SLC44A5: variants seen among roughly 807,000 people sequenced by gnomAD.
SLC44A5 encodes choline transporter-like protein 5.
Under a neutral mutation model 101.8 loss-of-function variants are expected in SLC44A5, and 57 were observed. The ratio of observed to expected loss-of-function variants is 0.56; its 90% CI spans 0.45 to 0.70. The LOEUF (loss-of-function observed/expected upper bound fraction) is 0.70. SLC44A5 is among the 30% of genes least tolerant of loss of function. SLC44A5 has a pLI of 0.00. For missense variants in SLC44A5, 737 were observed against 853.1 expected (o/e 0.86, Z 1.70); for synonymous variants, 281 against 290.9 (o/e 0.97, Z 0.35).
chr1:75,505,136 G>A (rs942120343), intron 2 of SLC44A5, among the ~76,000 whole-genome samples: 11 of 152,114 alleles, frequency 7.2e-5, no homozygotes, highest in African/African-American at 2.7e-4. Flanking sequence ...TGATGACCTA[G>A]AGCTGCACCC....
chr1:75,486,665 A>G (rs746070307), intron 2 of SLC44A5, among the ~76,000 whole-genome samples: 1 of 152,238 alleles, frequency 6.6e-6, no homozygotes, highest in Non-Finnish European at 1.5e-5. Flanking sequence ...CAAAACAAAG[A>G]GGCCACAGGC....
intron 5 of SLC44A5, among the ~76,000 whole-genome samples, chr1:75,280,796 A>G (rs1466905931): frequency 6.6e-6 from 1 of 151,894 alleles, no homozygotes; most frequent in Non-Finnish European, 1.5e-5. Context: ...CATGTGAAGA[A>G]AGATGTGTTT....
chr1:75,219,332 T>A lies in SLC44A5; in HGVS notation c.1191A>T (p.Thr397=). ...YWVVTAVFLA[T]SGVPVYKVIA... Reference sequence around the variant, plus strand: ...TGACTTTGTATACAGGTACCCCCGATGTCGCCAAGAAACTGAATAAACTCC... The same window carrying A: ...TGACTTTGTATACAGGTACCCCCGAAGTCGCCAAGAAACTGAATAAACTCC... Residue 397 remains threonine (T), a synonymous_variant, in exon 16 of 24, where the codon ACA becomes ACT. Coordinates refer to ENST00000370859, the MANE Select transcript of SLC44A5 (RefSeq NM_001130058.2). 6.2e-7 allele frequency: 1 copy of A among 1,611,956 alleles called. No homozygotes were observed.
At chr1:75,552,168 T>C (rs1671970706) in intron 1 of SLC44A5, among the ~76,000 whole-genome samples, 1 of 152,124 alleles carries the variant, frequency 6.6e-6, no homozygotes, top group Non-Finnish European at 1.5e-5. Flanking sequence ...CCACTTAACC[T>C]TTCTACATGT....
chr1:75,540,298 C>A (rs1671289063), intron 2 of SLC44A5, among the ~76,000 whole-genome samples: 2 of 152,180 alleles, frequency 1.3e-5, no homozygotes. Context: ...CTAAAACAAT[C>A]TGCTATAGGC....
the SLC44A5 span, among the ~76,000 whole-genome samples, chr1:75,699,850 G>A: frequency 6.6e-6 from 1 of 152,052 alleles, no homozygotes; most frequent in Non-Finnish European, 1.5e-5. Flanking sequence ...GGCAGGGGTT[G>A]CAATCCTAGT....
At chr1:75,547,691 C>T (rs1439400666) in intron 1 of SLC44A5, among the ~76,000 whole-genome samples, 1 of 152,104 alleles carries the variant, frequency 6.6e-6, no homozygotes, top group Non-Finnish European at 1.5e-5. Context: ...CAAAAACAAA[C>T]AAACAAACAA....
the SLC44A5 span, among the ~76,000 whole-genome samples, chr1:75,621,129 G>T: frequency 6.6e-6 from 1 of 152,106 alleles, no homozygotes; most frequent in Non-Finnish European, 1.5e-5. Context: ...AGTCACATGT[G>T]GTTCTTCTGG....
rs1646676245 is a variant in SLC44A5 at position 75,202,145 on chromosome 1, T to C, written c.*1582A>G. Reference sequence around the variant, plus strand: ...GACAGGCAGTTATTTCTTATTTAAATCTTTATTAAAAGAAAAAAGATTTAA... The same window carrying C: ...GACAGGCAGTTATTTCTTATTTAAACCTTTATTAAAAGAAAAAAGATTTAA... On this transcript the variant is annotated 3_prime_UTR_variant, in exon 24 of 24. Transcript: ENST00000370859. The C allele has an allele frequency of 6.6e-6, 1 of 152,152 alleles. No individual in the cohort carries two copies. Among genetic ancestry groups the C allele is most frequent in the Admixed American group, 6.5e-5 (1 of 15,282 alleles). The allele number at this position is 152,152 out of a possible 1,614,324, so 9.4% of individuals were successfully genotyped here. A position where few individuals can be genotyped will look rare whatever the true frequency, so the allele number is the denominator to read the frequency against.
chr1:75,535,278 C>T (rs894145966), intron 2 of SLC44A5, among the ~76,000 whole-genome samples: 2 of 152,042 alleles, frequency 1.3e-5, no homozygotes, highest in South Asian at 2.1e-4. Flanking sequence ...GAGCCTGATA[C>T]ATATTTGAAG....
At chr1:75,309,284 A>C (rs1360547850) in intron 4 of SLC44A5, among the ~76,000 whole-genome samples, 1 of 152,118 alleles carries the variant, frequency 6.6e-6, no homozygotes, top group East Asian at 1.9e-4. Context: ...TCTCCATAAA[A>C]CATTTTAAAA....
the SLC44A5 span, among the ~76,000 whole-genome samples, chr1:75,639,818 TCTGATATCTC>T: frequency 6.6e-6 from 1 of 152,066 alleles, no homozygotes; most frequent in East Asian, 1.9e-4. Context: ...TCATAGAAAT[TCTGATATCTC>T]CTGATATCTC....
At chr1:75,218,153 T>G (rs1647001034) in intron 17 of SLC44A5, among the ~76,000 whole-genome samples, 193 bp from the exon 18 acceptor site, 2 of 152,126 alleles carry the variant, frequency 1.3e-5, no homozygotes, top group Non-Finnish European at 2.9e-5. Context: ...TTACCCTTTA[T>G]CAGCATAAAT....
At chr1:75,303,469 C>T (rs1287776402) in intron 4 of SLC44A5, among the ~76,000 whole-genome samples, 6 of 152,188 alleles carry the variant, frequency 3.9e-5, no homozygotes, top group East Asian at 3.9e-4. Context: ...CTCCTGACCT[C>T]GTGATCCACC....
At chr1:75,472,076 C>A (rs1238878750) in intron 2 of SLC44A5, among the ~76,000 whole-genome samples, 1 of 96,244 alleles carries the variant, frequency 1.0e-5, no homozygotes, top group African/African-American at 3.3e-5. Flanking sequence ...GCATATCCCC[C>A]TGGGTTTAAA....
At chr1:75,322,698 C>T (rs1457326887) in intron 4 of SLC44A5, among the ~76,000 whole-genome samples, 1 of 152,146 alleles carries the variant, frequency 6.6e-6, no homozygotes, top group Non-Finnish European at 1.5e-5. Context: ...TCTCAGCTTG[C>T]TTCCTCACTC....
intron 2 of SLC44A5, among the ~76,000 whole-genome samples, chr1:75,467,836 T>C (rs1412211009): frequency 6.6e-6 from 1 of 152,068 alleles, no homozygotes. Context: ...ACAAATGAGA[T>C]AACATTAAGT....
intron 4 of SLC44A5, among the ~76,000 whole-genome samples, chr1:75,331,717 T>G (rs556930919): frequency 6.6e-6 from 1 of 152,144 alleles, no homozygotes; most frequent in East Asian, 1.9e-4. Flanking sequence ...ACCCACTACC[T>G]AAGTCCCGCT....
At chr1:75,399,074 G>C (rs1191811640) in intron 2 of SLC44A5, among the ~76,000 whole-genome samples, 1 of 151,834 alleles carries the variant, frequency 6.6e-6, no homozygotes, top group East Asian at 1.9e-4. Flanking sequence ...TCTGTTCAGG[G>C]GGATGAGAAC....
Sources: allele counts gnomAD v4.1 joint callset (sites outside exome capture counted in the v4.1 genomes callset), GRCh38; gene constraint gnomAD v4.1.1; transcripts MANE v1.5; gene names NCBI Gene and HGNC (gene_info 2026-07-23, HGNC 2026-07-21).